The following CSNK2A1 variants were observed in gnomAD, a reference collection of about 807,000 sequenced individuals.
CSNK2A1 encodes the protein casein kinase 2 alpha 1, also known as casein kinase II subunit alpha.
A neutral mutation model predicts 62.9 loss-of-function variants in CSNK2A1; 10 were observed. The ratio of observed to expected loss-of-function variants is 0.16; its 90% confidence interval spans 0.10 to 0.27. The LOEUF is 0.27. Ranked by LOEUF, CSNK2A1 falls within the 10% of genes least tolerant of loss-of-function variation. The probability of loss-of-function intolerance (pLI) is 1.00; values close to 1 mark genes in which losing one functional copy is unlikely to be tolerated. For missense variants in CSNK2A1, 160 were observed against 492.0 expected, an observed-to-expected ratio of 0.33 and a Z score of 6.38; for synonymous variants, 124 against 167.8, an observed-to-expected ratio of 0.74 and a Z score of 2.02.
At chr20:508,685 C>T in intron 2 of CSNK2A1, 25 bp from the exon 3 acceptor site, 1 of 730,062 alleles carries the variant, frequency 1.4e-6, no homozygotes, top group South Asian at 1.9e-5. Context: ...TGCACAAAGT[C>T]CAAGGAATCA....
At chr20:488,515 T>C (rs1000651242) in intron 11 of CSNK2A1, 163 bp downstream of exon 11, 4 of 636,474 alleles carry the variant, frequency 6.3e-6, no homozygotes, top group Middle Eastern at 4.4e-4. Flanking sequence ...TTCAATCCAA[T>C]GCCTTTATCA....
chr20:519,634 A>G (rs925745832), intron 2 of CSNK2A1, among the ~76,000 whole-genome samples: 8 of 152,244 alleles, frequency 5.3e-5, no homozygotes, highest in African/African-American at 1.9e-4. Flanking sequence ...TGATTTTTCA[A>G]AACCAACAAT....
At chr20:528,414 A>G (rs922756205) in intron 1 of CSNK2A1, among the ~76,000 whole-genome samples, 4 of 152,136 alleles carry the variant, frequency 2.6e-5, no homozygotes, top group African/African-American at 9.7e-5. Flanking sequence ...GTGAATGCCT[A>G]TGTCAGTCAC....
intron 2 of CSNK2A1, among the ~76,000 whole-genome samples, chr20:525,792 C>G (rs1041513451): frequency 1.4e-5 from 2 of 140,520 alleles, no homozygotes; most frequent in Admixed American, 7.4e-5. Flanking sequence ...CCAGCCTAGG[C>G]AACATAGTGA....
chr20:519,283 T>TA (rs2018894536), intron 2 of CSNK2A1, among the ~76,000 whole-genome samples: 1 of 152,130 alleles, frequency 6.6e-6, no homozygotes, highest in African/African-American at 2.4e-5. Context: ...GAGAATGGGA[T>TA]AAAGGCAGTA....
chr20:528,458 ACAGGGTCTTGCTCTGT>A (rs2019143004), intron 1 of CSNK2A1, among the ~76,000 whole-genome samples: 1 of 152,164 alleles, frequency 6.6e-6, no homozygotes, highest in Non-Finnish European at 1.5e-5. Flanking sequence ...TGTGTGTGTA[ACAGGGTCTTGCTCTGT>A]CACCCAGGGT....
rs1386150105 is a variant in CSNK2A1 at position 477,254 on chromosome 20, G to A, written c.*6707C>T. 1 of 152,234 alleles carries A rather than the reference G, an allele frequency of 6.6e-6. No homozygotes were observed. The highest frequency in any genetic ancestry group is 2.4e-5 in the African/African-American group (1 of 41,428). The allele number at this position is 152,234 out of a possible 1,614,324, so 9.4% of individuals were successfully genotyped here. The stretch of plus-strand genomic sequence containing the variant: ...CTGTCACTTGGGCTTGAGTACTGTG[G>A]CACAATCACACCTCACTGCAGCCTT... On this transcript the variant is annotated 3_prime_UTR_variant, in exon 14 of 14. Transcript: ENST00000217244.
intron 6 of CSNK2A1, chr20:498,118 CAAAT>C (rs961762441): frequency 2.3e-5 from 5 of 217,290 alleles, no homozygotes; most frequent in African/African-American, 1.2e-4. Flanking sequence ...GGCATTTTGG[CAAAT>C]ATACTGCCTC....
chr20:505,320 A>G, intron 3 of CSNK2A1, 91 bp from the exon 4 acceptor site: 1 of 903,320 alleles, frequency 1.1e-6, no homozygotes, highest in Non-Finnish European at 1.7e-6. Flanking sequence ...TGTAATAGAA[A>G]TAAGAAGTAT....
chr20:505,243 C>A lies in CSNK2A1; in HGVS notation c.102-14G>T. On this transcript the variant is annotated splice_polypyrimidine_tract_variant and intron_variant, in intron 3 of 13. Coordinates refer to ENST00000217244, the MANE Select transcript of CSNK2A1 (RefSeq NM_177559.3). Reference sequence around the variant, plus strand: ...TCATCTTGATTTCTGTGGACACAAACAAAATGACTTATAAACGGTCAAATT... The same window carrying A: ...TCATCTTGATTTCTGTGGACACAAAAAAAATGACTTATAAACGGTCAAATT... The A allele has an allele frequency of 6.3e-7, 1 of 1,586,554 alleles. No individual in the cohort carries two copies. The highest frequency in any genetic ancestry group is 8.6e-7 in the Non-Finnish European group (1 of 1,160,616).
intron 1 of CSNK2A1, among the ~76,000 whole-genome samples, chr20:534,706 C>T (rs903785922): frequency 6.6e-6 from 1 of 151,996 alleles, no homozygotes; most frequent in East Asian, 1.9e-4. Context: ...CAGATGAATG[C>T]TCAGGTCCTT....
In CSNK2A1 at chr20:518,998, C is replaced by T. The variant is rs376109032; in HGVS notation, c.-110+8935G>A. Among the ~76,000 whole-genome samples, 11 of 146,788 alleles carry T rather than the reference C, an allele frequency of 7.5e-5. No homozygotes were observed. In the East Asian group the frequency reaches 1.0e-3, roughly 14 times the overall value. On this transcript the variant is annotated intron_variant, in intron 2 of 13. Coordinates refer to ENST00000217244, the MANE Select transcript of CSNK2A1 (RefSeq NM_177559.3). Reference sequence around the variant, plus strand: ...CCACCCAGGTTAGAGTGCAGTGGCACGATCTCAGTTCATTGCAACCTCTGC... The same window carrying T: ...CCACCCAGGTTAGAGTGCAGTGGCATGATCTCAGTTCATTGCAACCTCTGC...
At chr20:500,898 A>T (rs1032340666) in intron 4 of CSNK2A1, 7 of 152,156 alleles carry the variant, frequency 4.6e-5, no homozygotes, top group African/African-American at 1.7e-4. Flanking sequence ...CGGCCTCCCA[A>T]AGTGCCAATA....
At chr20:492,453 C>A in intron 8 of CSNK2A1, 89 bp from the exon 9 acceptor site, 1 of 1,288,736 alleles carries the variant, frequency 7.8e-7, no homozygotes, top group South Asian at 1.3e-5. Context: ...ATATACCAGA[C>A]ACGTCACTCT....
intron 11 of CSNK2A1, 65 bp downstream of exon 11, chr20:488,613 C>A: frequency 6.7e-7 from 1 of 1,483,500 alleles, no homozygotes; most frequent in Non-Finnish European, 9.4e-7. Context: ...TTTGAAGATC[C>A]TAAGTGCCAG....
At chr20:519,218 G>A (rs534074904) in intron 2 of CSNK2A1, among the ~76,000 whole-genome samples, 58 of 152,286 alleles carry the variant, frequency 3.8e-4, no homozygotes, top group African/African-American at 1.2e-3. Flanking sequence ...GATTATAGGC[G>A]TAAGCCACCG....
At chr20:502,939 C>T (rs1473213976) in intron 4 of CSNK2A1, 2 of 152,274 alleles carry the variant, frequency 1.3e-5, no homozygotes, top group African/African-American at 4.8e-5. Flanking sequence ...ATCCTCCTCC[C>T]ATTCAGCCTG....
chr20:541,390 T>C (rs771192874), intron 1 of CSNK2A1, among the ~76,000 whole-genome samples: 44 of 152,288 alleles, frequency 2.9e-4, no homozygotes, highest in Non-Finnish European at 5.1e-4. Flanking sequence ...ATCCAAGTCC[T>C]ATGGAAGGGT....
At chr20:484,322 C>T (rs1222387166) in intron 13 of CSNK2A1, among the ~76,000 whole-genome samples, 2 of 152,154 alleles carry the variant, frequency 1.3e-5, no homozygotes, top group African/African-American at 2.4e-5. Context: ...CCAAAGTACA[C>T]GATTAAGCAA....
Sources: gnomAD v4.1 joint callset for allele counts (sites outside exome capture counted in the v4.1 genomes callset) on GRCh38, gnomAD v4.1.1 for gene constraint, MANE v1.5 for transcripts, NCBI Gene and HGNC (gene_info 2026-07-23, HGNC 2026-07-21) for gene names.